DUSP3: variants seen among roughly 807,000 people sequenced by gnomAD.
DUSP3 encodes the protein dual specificity phosphatase 3, also known as dual specificity protein phosphatase 3.
Under a neutral mutation model 15.5 loss-of-function variants are expected in DUSP3, and 7 were observed. The observed-to-expected ratio is 0.45, with a 90% CI of 0.26 to 0.85. DUSP3 has a LOEUF of 0.85. Among genes scored for constraint, DUSP3 ranks in the 40% least tolerant of loss-of-function variants. The pLI, the probability that DUSP3 is intolerant of heterozygous loss-of-function variation, is 0.18. For synonymous variants in DUSP3, 86 were observed against 104.2 expected, an observed-to-expected ratio of 0.83 and a Z score of 1.07; for missense variants, 209 against 251.7, an observed-to-expected ratio of 0.83 and a Z score of 1.15.
chr17:43,770,729 T>C (rs1376132907), intron 2 of DUSP3, among the ~76,000 whole-genome samples: 3 of 150,668 alleles, frequency 2.0e-5, no homozygotes, highest in Non-Finnish European at 3.0e-5. Context: ...GCATAGAGAC[T>C]GGGGGTGCTT....
At chr17:43,778,687 G>A (rs1974423782) in intron 1 of DUSP3, 113 bp downstream of exon 1, 4 of 1,310,452 alleles carry the variant, frequency 3.1e-6, no homozygotes, top group East Asian at 3.2e-5. Context: ...TCCCGGAGGG[G>A]CCATCGCGCC....
Position 43,769,569 on chromosome 17 carries a change from C to T in DUSP3, c.*40G>A, listed in dbSNP as rs751775913. ...AGCTCGGGACACCTTTGCCCACGGC[C>T]TCCCCCACGGACCTCTCGAGCAGAG... On this transcript the variant is annotated 3_prime_UTR_variant, in exon 3 of 3. Transcript: ENST00000226004. The T allele has an allele frequency of 6.2e-7, 1 of 1,607,068 alleles. No individual in the cohort carries two copies. The highest frequency in any genetic ancestry group is 1.3e-5 in the African/African-American group (1 of 74,692).
chr17:43,774,415 G>A (rs932798184), intron 2 of DUSP3, among the ~76,000 whole-genome samples: 2 of 152,138 alleles, frequency 1.3e-5, no homozygotes, highest in African/African-American at 4.8e-5. Context: ...CTTCCTCATC[G>A]TTACAGCTGT....
At chr17:43,777,657 C>A in intron 1 of DUSP3, 1 of 418,232 alleles carries the variant, frequency 2.4e-6, no homozygotes, top group South Asian at 1.7e-5. Context: ...AGCCATGAAG[C>A]TTAGGATTTT....
In DUSP3 at chr17:43,766,787, G is replaced by A. The variant is rs1046920422; in HGVS notation, c.*2822C>T. On this transcript the variant is annotated 3_prime_UTR_variant, in exon 3 of 3. Coordinates refer to ENST00000226004, the MANE Select transcript of DUSP3 (RefSeq NM_004090.4). The stretch of plus-strand genomic sequence containing the variant: ...GAGTGGCAGGGACACAGACGAGCCT[G>A]TGGAAAGGTATACTGCTTTAAGATT... The A allele has an allele frequency of 1.3e-5, 2 of 152,274 alleles. No homozygotes were observed. The highest frequency in any genetic ancestry group is 2.9e-5 in the Non-Finnish European group (2 of 68,050). The allele number at this position is 152,274 out of a possible 1,614,324, so 9.4% of individuals were successfully genotyped here.
rs985804608 is a variant in DUSP3, at chr17:43,766,877, A to G, written c.*2732T>C. The G allele has an allele frequency of 8.5e-5, 13 of 152,186 alleles. No individual in the cohort carries two copies. Among genetic ancestry groups the G allele is most frequent in the African/African-American group, 3.1e-4 (13 of 41,442 alleles). The allele number at this position is 152,186 out of a possible 1,614,324, so 9.4% of individuals were successfully genotyped here. Reference sequence around the variant, plus strand: ...GTGCTCTGTCAGTCAAAGAAAGGGAACAGGTCTGGGGAGGGGGTAAGGGCA... The same window carrying G: ...GTGCTCTGTCAGTCAAAGAAAGGGAGCAGGTCTGGGGAGGGGGTAAGGGCA... On this transcript the variant is annotated 3_prime_UTR_variant, in exon 3 of 3. Transcript: ENST00000226004.
intron 1 of DUSP3, among the ~76,000 whole-genome samples, chr17:43,776,462 T>C (rs544752100): frequency 6.6e-6 from 1 of 152,358 alleles, no homozygotes; most frequent in African/African-American, 2.4e-5. Flanking sequence ...CCACATCTGC[T>C]GCAAAACCCC....
In DUSP3 at chr17:43,769,423, G is replaced by T; in HGVS notation, c.*186C>A. On this transcript the variant is annotated 3_prime_UTR_variant, in exon 3 of 3. Coordinates refer to ENST00000226004, the MANE Select transcript of DUSP3 (RefSeq NM_004090.4). ...CTGGGGAGCAAGGACGCCCCCCTTGGCAAGCTTCTTTATGTGCTCCCCAGG... is the reference window on the plus strand; with the variant it reads ...CTGGGGAGCAAGGACGCCCCCCTTGTCAAGCTTCTTTATGTGCTCCCCAGG... 1.6e-6 allele frequency: 1 copy of T among 622,972 alleles called. No individual in the cohort carries two copies. The highest frequency in any genetic ancestry group is 2.7e-6 in the Non-Finnish European group (1 of 376,454). The allele number at this position is 622,972 out of a possible 1,614,324, so 38.6% of individuals were successfully genotyped here.
chr17:43,769,441 T>C lies in DUSP3; in HGVS notation c.*168A>G. 1.4e-6 allele frequency: 1 copy of C among 708,762 alleles called. No individual in the cohort carries two copies. The highest frequency in any genetic ancestry group is 2.2e-6 in the Non-Finnish European group (1 of 452,178). 43.9% of individuals were successfully genotyped at this position (708,762 alleles called of 1,614,324 possible). On this transcript the variant is annotated 3_prime_UTR_variant, in exon 3 of 3. Coordinates refer to ENST00000226004, the MANE Select transcript of DUSP3 (RefSeq NM_004090.4). ...CCCCTTGGCAAGCTTCTTTATGTGC[T>C]CCCCAGGGTGGGGAAAGTGGCCCAG...
intron 2 of DUSP3, among the ~76,000 whole-genome samples, chr17:43,770,865 TCTC>T (rs1250944510): frequency 4.0e-5 from 6 of 151,392 alleles, no homozygotes; most frequent in African/African-American, 1.5e-4. Context: ...TTCAAGCAAT[TCTC>T]CTGCCTCAGC....
Position 43,768,077 on chromosome 17 carries a change from T to C in DUSP3, c.*1532A>G, listed in dbSNP as rs1267017088. 2.0e-5 allele frequency: 3 copies of C among 152,216 alleles called. No individual in the cohort carries two copies. The highest frequency in any genetic ancestry group is 4.4e-5 in the Non-Finnish European group (3 of 68,042). 9.4% of individuals were successfully genotyped at this position (152,216 alleles called of 1,614,324 possible). ...CTTCACAAGGCCTTGCGAGTGATCC[T>C]ACCATGAATTCAGTCTTCTGGGAGC... On this transcript the variant is annotated 3_prime_UTR_variant, in exon 3 of 3. Coordinates refer to ENST00000226004, the MANE Select transcript of DUSP3 (RefSeq NM_004090.4).
chr17:43,768,937 A>G lies in DUSP3; in HGVS notation c.*672T>C, dbSNP rs540975921. On this transcript the variant is annotated 3_prime_UTR_variant, in exon 3 of 3. Coordinates refer to ENST00000226004, the MANE Select transcript of DUSP3 (RefSeq NM_004090.4). The stretch of plus-strand genomic sequence containing the variant: ...CAAAGATTCACATTTTGAAAACTCT[A>G]TGGATTTAGGAGGGTTCTCCAGGTT... 2.6e-5 allele frequency: 4 copies of G among 152,326 alleles called. No homozygotes were observed. The highest frequency in any genetic ancestry group is 3.4e-3 in the Middle Eastern group (1 of 294). 9.4% of individuals were successfully genotyped at this position (152,326 alleles called of 1,614,324 possible). A position where few individuals can be genotyped will look rare whatever the true frequency, so the allele number is the denominator to read the frequency against.
In DUSP3 at chr17:43,770,988, A is replaced by ATGTGTG. The variant is rs1373635601; in HGVS notation, c.353-1175_353-1174insCACACA. On this transcript the variant is annotated intron_variant, in intron 2 of 2. Coordinates refer to ENST00000226004, the MANE Select transcript of DUSP3 (RefSeq NM_004090.4). The stretch of plus-strand genomic sequence containing the variant: ...ATATAGTGTGTGTGTGCGTGTATAT[A>ATGTGTG]TATGTGTGTGTGTGTGTGTGTGTGT... Among the ~76,000 whole-genome samples the ATGTGTG allele has an allele frequency of 7.0e-4, 39 of 55,690 alleles. 1 individual carries two copies. Among genetic ancestry groups the ATGTGTG allele is most frequent in the Middle Eastern group, 8.1e-3 (1 of 124 alleles). 36.5% of individuals were successfully genotyped at this position (55,690 alleles called of 152,430 possible). A position where few individuals can be genotyped will look rare whatever the true frequency, so the allele number is the denominator to read the frequency against.
At chr17:43,773,098 A>G (rs1378802574) in intron 2 of DUSP3, among the ~76,000 whole-genome samples, 1 of 152,166 alleles carries the variant, frequency 6.6e-6, no homozygotes, top group Admixed American at 6.5e-5. Flanking sequence ...AGTGACCAGG[A>G]AGGACCATGA....
At chr17:43,774,656 G>T in intron 2 of DUSP3, 56 bp downstream of exon 2, 1 of 1,589,268 alleles carries the variant, frequency 6.3e-7, no homozygotes, top group Non-Finnish European at 8.6e-7. Flanking sequence ...CTGTTTTCCA[G>T]AGGGACAGTC....
chr17:43,778,885 C>G lies in DUSP3; in HGVS notation c.40G>C (p.Asp14His). 6.6e-7 allele frequency: 1 copy of G among 1,514,876 alleles called. No homozygotes were observed. The highest frequency in any genetic ancestry group is 2.8e-5 in the East Asian group (1 of 36,114). The allele number at this position is 1,514,876 out of a possible 1,614,324, so 93.8% of individuals were successfully genotyped here. Residue 14 changes from aspartate (D) to histidine (H), a missense_variant, in exon 1 of 3, where the codon GAC becomes CAC. Physicochemically the swap from Asp to His is moderately conservative, Grantham distance 81. Transcript: ENST00000226004. ...SFELSVQDLN[D>H]LLSDGSGCYS... is the part of the protein sequence containing the mutation. Reference sequence around the variant, plus strand: ...CAGCCGCTGCCGTCCGAGAGCAGGTCGTTGAGATCCTGCACCGAGAGCTCG... The same window carrying G: ...CAGCCGCTGCCGTCCGAGAGCAGGTGGTTGAGATCCTGCACCGAGAGCTCG...
chr17:43,774,766 C>T lies in DUSP3; in HGVS notation c.298G>A (p.Ala100Thr), dbSNP rs758918021. Residue 100 changes from alanine to threonine, a missense_variant, in exon 2 of 3, where the codon GCT (alanine) becomes ACT (threonine). Ala to Thr is a moderately conservative substitution (Grantham distance 58). Transcript: ENST00000226004. The part of the protein sequence containing the change: ...ANDTQEFNLS[A>T]YFERAADFID... ...AAGTCGGCAGCCCTTTCAAAGTAAG[C>T]GCTGAGGTTGAACTCCTGTGTGTCG... 6.2e-6 allele frequency: 10 copies of T among 1,614,030 alleles called. No homozygotes were observed. Among genetic ancestry groups the T allele is most frequent in the Admixed American group, 1.7e-5 (1 of 59,984 alleles).
In DUSP3 at chr17:43,769,588, A is replaced by C; in HGVS notation, c.*21T>G. On this transcript the variant is annotated 3_prime_UTR_variant, in exon 3 of 3. Coordinates refer to ENST00000226004, the MANE Select transcript of DUSP3 (RefSeq NM_004090.4). ...CACGGCCTCCCCCACGGACCTCTCG[A>C]GCAGAGGTGGTGGGGGTGCCCTAGG... 1.2e-6 allele frequency: 2 copies of C among 1,610,128 alleles called. No individual in the cohort carries two copies. Among genetic ancestry groups the C allele is most frequent in the South Asian group, 1.1e-5 (1 of 90,926 alleles).
chr17:43,771,845 C>T (rs1974324494), intron 2 of DUSP3, among the ~76,000 whole-genome samples: 1 of 152,032 alleles, frequency 6.6e-6, no homozygotes, highest in African/African-American at 2.4e-5. Context: ...CCCGTTTCTA[C>T]TAAAAATACA....
Sources: gnomAD v4.1 joint callset for allele counts (sites outside exome capture counted in the v4.1 genomes callset) on GRCh38, gnomAD v4.1.1 for gene constraint, MANE v1.5 for transcripts, NCBI Gene and HGNC (gene_info 2026-07-23, HGNC 2026-07-21) for gene names.